The following ALS2 variants were observed in gnomAD, a reference collection of about 807,000 sequenced individuals.
ALS2 encodes the protein alsin Rho guanine nucleotide exchange factor ALS2.
A neutral mutation model predicts 203.4 loss-of-function variants in ALS2; 117 were observed. That is an observed-to-expected ratio of 0.58 (90% CI 0.50 to 0.67). The LOEUF (loss-of-function observed/expected upper bound fraction) is 0.67, where lower values mean the gene tolerates loss of function less well. ALS2 is among the 30% of genes least tolerant of loss of function. The probability of loss-of-function intolerance (pLI) is 0.00; values close to 1 mark genes in which losing one functional copy is unlikely to be tolerated. For synonymous variants in ALS2, 718 were observed against 725.9 expected, an observed-to-expected ratio of 0.99 and a Z score of 0.17; for missense variants, 1,715 against 1,989.4, an observed-to-expected ratio of 0.86 and a Z score of 2.62.
chr2:201,708,039 G>A (rs1689833592), intron 27 of ALS2, 48 bp from the exon 28 acceptor site: 1 of 1,566,848 alleles, frequency 6.4e-7, no homozygotes, highest in Non-Finnish European at 8.7e-7. Flanking sequence ...CTCTAGGGGG[G>A]TTGAAAAGCA....
chr2:201,766,277 A>G (rs1238873437), intron 3 of ALS2, among the ~76,000 whole-genome samples: 1 of 152,238 alleles, frequency 6.6e-6, no homozygotes, highest in Admixed American at 6.5e-5. Flanking sequence ...AGTTAATAGT[A>G]TATTTTAAAT....
intron 1 of ALS2, among the ~76,000 whole-genome samples, chr2:201,777,372 C>A (rs946109090): frequency 3.3e-5 from 5 of 152,070 alleles, no homozygotes; most frequent in Non-Finnish European, 7.4e-5. Context: ...CTGGCACATT[C>A]CTTTCTTATT....
intron 24 of ALS2, among the ~76,000 whole-genome samples, chr2:201,717,759 G>C (rs1237710181): frequency 6.6e-6 from 1 of 151,640 alleles, no homozygotes; most frequent in African/African-American, 2.4e-5. Context: ...CTGAGCAATA[G>C]CAAGACCCAG....
At chr2:201,719,863 T>G in intron 23 of ALS2, 1 of 191,116 alleles carries the variant, frequency 5.2e-6, no homozygotes, top group Admixed American at 5.6e-5. Context: ...GTAGATAACA[T>G]AGAGAAATAG....
Position 201,766,978 on chromosome 2 carries a change from A to G in ALS2, c.175+251T>C, listed in dbSNP as rs141739392. ...GAGCGGGGAGGGATAGCATTAGGAGATATACCTAATGCTAAATGATGAGTT... is the reference window on the plus strand; with the variant it reads ...GAGCGGGGAGGGATAGCATTAGGAGGTATACCTAATGCTAAATGATGAGTT... On this transcript the variant is annotated intron_variant, in intron 3 of 33. Transcript: ENST00000264276. Among the ~76,000 whole-genome samples, 5,760 of 150,782 alleles carry G rather than the reference A, an allele frequency of 0.038. 224 individuals carry two copies. Among genetic ancestry groups the G allele is most frequent in the East Asian group, 0.22 (1,102 of 4,986 alleles).
chr2:201,774,863 G>A (rs138057346), intron 1 of ALS2, among the ~76,000 whole-genome samples: 1 of 152,158 alleles, frequency 6.6e-6, no homozygotes, highest in Non-Finnish European at 1.5e-5. Flanking sequence ...ATATATAACA[G>A]GTACTCAATA....
At chr2:201,770,238 C>A (rs891155437) in intron 1 of ALS2, among the ~76,000 whole-genome samples, 1 of 152,124 alleles carries the variant, frequency 6.6e-6, no homozygotes, top group South Asian at 2.1e-4. Context: ...AATTATTCTA[C>A]GAGGATGTGG....
chr2:201,752,996 AAAT>A, intron 7 of ALS2, 147 bp downstream of exon 7: 2 of 744,996 alleles, frequency 2.7e-6, no homozygotes, highest in Admixed American at 3.9e-5. Flanking sequence ...TGTAAAGTGG[AAAT>A]AATACCATAC....
intron 3 of ALS2, chr2:201,765,426 T>C (rs537619338): frequency 4.2e-5 from 7 of 166,600 alleles, no homozygotes; most frequent in African/African-American, 1.7e-4. Flanking sequence ...TTAAATCTCA[T>C]AGGACAGGTA....
chr2:201,702,179 A>G (rs1689430645), intron 33 of ALS2, among the ~76,000 whole-genome samples: 1 of 151,612 alleles, frequency 6.6e-6, no homozygotes, highest in African/African-American at 2.4e-5. Context: ...AGACACCACA[A>G]TTTGCCATTA....
chr2:201,749,665 A>T, intron 8 of ALS2, 47 bp downstream of exon 8: 1 of 1,447,412 alleles, frequency 6.9e-7, no homozygotes, highest in Non-Finnish European at 9.7e-7. Flanking sequence ...ATAAGGTGTT[A>T]CAGCTAAGAA....
intron 12 of ALS2, among the ~76,000 whole-genome samples, chr2:201,738,066 T>C (rs10186379): frequency 0.92 from 139,190 of 152,072 alleles, 64,063 homozygotes; most frequent in East Asian, 1. Flanking sequence ...TTTGGGAGGC[T>C]GAGACAGGAG....
chr2:201,704,438 G>T lies in ALS2; in HGVS notation c.4838+16C>A. 6.2e-7 allele frequency: 1 copy of T among 1,613,866 alleles called. No homozygotes were observed. Among genetic ancestry groups the T allele is most frequent in the South Asian group, 1.1e-5 (1 of 91,072 alleles). On this transcript the variant is annotated intron_variant, in intron 32 of 33. Coordinates refer to ENST00000264276, the MANE Select transcript of ALS2 (RefSeq NM_020919.4). The stretch of plus-strand genomic sequence containing the variant: ...AAAATAACGACTCACTAATAACAAA[G>T]TCATAAAACAGTTACCTGGCCCGTA...
intron 1 of ALS2, among the ~76,000 whole-genome samples, chr2:201,780,659 A>AG (rs1694865500): frequency 6.6e-6 from 1 of 152,198 alleles, no homozygotes; most frequent in Non-Finnish European, 1.5e-5. Flanking sequence ...GGGCCAAGGC[A>AG]GGGGCCGCCT....
At chr2:201,733,226 T>G in intron 13 of ALS2, 50 bp downstream of exon 13, 2 of 1,592,558 alleles carry the variant, frequency 1.3e-6, no homozygotes, top group Non-Finnish European at 1.7e-6. Context: ...TACAAACAAC[T>G]ATGATCCTTG....
In ALS2 at chr2:201,757,341, G is replaced by A. The variant is rs150493262; in HGVS notation, c.1471+61C>T. ...CAGCTTTTTTAATAATACAGCATGC[G>A]ATGTCAGGAGCATCCTGGATTCCCC... On this transcript the variant is annotated intron_variant, in intron 5 of 33. Transcript: ENST00000264276. The A allele has an allele frequency of 2.1e-4, 282 of 1,315,886 alleles. 2 individuals are homozygous for A. The African/African-American group carries it at 3.9e-3, about 18-fold the overall frequency. 81.5% of individuals were successfully genotyped at this position (1,315,886 alleles called of 1,614,324 possible).
intron 10 of ALS2, 128 bp downstream of exon 10, chr2:201,744,130 C>T: frequency 2.9e-6 from 3 of 1,023,824 alleles, no homozygotes; most frequent in Non-Finnish European, 4.4e-6. Context: ...TACCTGTGTA[C>T]ACACACACAA....
At chr2:201,745,301 GC>G (rs1692557683) in intron 9 of ALS2, among the ~76,000 whole-genome samples, 1 of 152,086 alleles carries the variant, frequency 6.6e-6, no homozygotes, top group African/African-American at 2.4e-5. Flanking sequence ...TCCAGTCTTG[GC>G]CTCCCAAAGT....
chr2:201,715,711 G>A lies in ALS2; in HGVS notation c.3965C>T (p.Ala1322Val). ...GEVWKAWDNI[A>V]VALTTSRRQH... Reference sequence around the variant, plus strand: ...GCGCCGACTGGTGGTCAAGGCCACAGCAATATTGTCCCATGCTTTCCAAAC... The same window carrying A: ...GCGCCGACTGGTGGTCAAGGCCACAACAATATTGTCCCATGCTTTCCAAAC... Residue 1322 changes from alanine (A) to valine (V), a missense_variant, in exon 25 of 34, where the codon GCT (alanine) becomes GTT (valine). Around this residue, in one of 3 missense-constraint regions of ALS2, gnomAD observed 1,227 missense variants for 1,413.5 expected, o/e 0.87. Transcript: ENST00000264276. The A allele has an allele frequency of 6.2e-7, 1 of 1,614,202 alleles. No homozygotes were observed.
Sources: gnomAD v4.1 joint callset for allele counts (sites outside exome capture counted in the v4.1 genomes callset) on GRCh38, gnomAD v4.1.1 for gene constraint, gnomAD v4.1.1 regional missense constraint, MANE v1.5 for transcripts, NCBI Gene and HGNC (gene_info 2026-07-23, HGNC 2026-07-21) for gene names.